Variants in VRK2 observed in about 807,000 individuals in gnomAD.
The protein encoded by VRK2 is serine/threonine-protein kinase VRK2.
VRK2 carries 60 observed loss-of-function variants against 57.6 expected under a neutral mutation model. The observed-to-expected ratio is 1.04, with a 90% CI of 0.85 to 1.29. VRK2 has a LOEUF of 1.29. VRK2 is among the 50% of genes most tolerant of loss of function. The pLI is 0.00. For missense variants in VRK2, 705 were observed against 588.1 expected (o/e 1.20, Z -2.06); for synonymous variants, 231 against 199.2 (o/e 1.16, Z -1.35).
At chr2:58,047,451 T>G in intron 1 of VRK2, 1 of 985,400 alleles carries the variant, frequency 1.0e-6, no homozygotes, top group South Asian at 4.7e-5. Context: ...GCAGATGAAC[T>G]CGGGACTCGC....
At chr2:57,964,014 C>T (rs907154772) in intron 1 of VRK2, among the ~76,000 whole-genome samples, 6 of 152,074 alleles carry the variant, frequency 3.9e-5, no homozygotes, top group African/African-American at 1.4e-4. Flanking sequence ...ATTTTTCTTC[C>T]TAAGCTTACT....
In VRK2 at chr2:58,039,114, C is replaced by T. The variant is rs568293762; in HGVS notation, c.-6+5561C>T. On this transcript the variant is annotated intron_variant, in intron 3 of 15. Coordinates refer to the VRK2 transcript ENST00000417641. ...TGTGAAACAGCAAGTAAGGTATTAT[C>T]TGATTTACGTAAAAATAAAACAATT... Among the ~76,000 whole-genome samples the T allele has an allele frequency of 2.6e-5, 4 of 152,214 alleles. No individual in the cohort carries two copies. The South Asian group carries it at 8.3e-4, about 32-fold the overall frequency.
chr2:57,916,483 C>G (rs1670156596), intron 1 of VRK2, among the ~76,000 whole-genome samples: 1 of 151,268 alleles, frequency 6.6e-6, no homozygotes, highest in African/African-American at 2.4e-5. Context: ...CTGCATTTAA[C>G]TTCAGGTTAG....
At position 57,997,842 on chromosome 2, in the gene VRK2, T is replaced by C. The variant is rs1672972400; in HGVS notation, c.-438-27823T>C. On this transcript the variant is annotated intron_variant, in intron 1 of 15. Coordinates refer to the VRK2 transcript ENST00000417641. ...TGAGTTCCGAAGGCAGAGGTTGCAG[T>C]GAACCAAGACCGCACTACTGCACTC... 2.0e-5 allele frequency among the ~76,000 whole-genome samples: 3 copies of C among 149,296 alleles called. No individual in the cohort carries two copies. In the Admixed American group the frequency reaches 2.0e-4, roughly 10 times the overall value.
chr2:58,026,239 T>G (rs1257856891), intron 2 of VRK2, among the ~76,000 whole-genome samples: 1 of 151,966 alleles, frequency 6.6e-6, no homozygotes, highest in African/African-American at 2.4e-5. Flanking sequence ...TTGGAATGTC[T>G]GTTACCTAAG....
intron 1 of VRK2, among the ~76,000 whole-genome samples, chr2:57,986,236 C>T (rs1457814696): frequency 6.6e-6 from 1 of 151,770 alleles, no homozygotes; most frequent in Non-Finnish European, 1.5e-5. Flanking sequence ...AAAAAGAATA[C>T]CTACATAAGT....
At chr2:57,929,140 G>A (rs972818687) in intron 1 of VRK2, among the ~76,000 whole-genome samples, 5 of 152,206 alleles carry the variant, frequency 3.3e-5, no homozygotes, top group African/African-American at 1.2e-4. Flanking sequence ...CTTGCCTTTA[G>A]GGCAGTGCAT....
At chr2:57,929,345 G>A (rs1359337148) in intron 1 of VRK2, among the ~76,000 whole-genome samples, 1 of 152,150 alleles carries the variant, frequency 6.6e-6, no homozygotes, top group Non-Finnish European at 1.5e-5. Context: ...CACTGCCTTA[G>A]GCCTATGGTG....
At chr2:58,115,035 T>A (rs1301165191) in intron 7 of VRK2, among the ~76,000 whole-genome samples, 4 of 152,018 alleles carry the variant, frequency 2.6e-5, no homozygotes, top group African/African-American at 7.3e-5. Flanking sequence ...GATGGAACAC[T>A]GAGAAGTTAT....
chr2:58,043,968 T>C (rs188679437), upstream of VRK2, among the ~76,000 whole-genome samples: 79 of 152,358 alleles, frequency 5.2e-4, no homozygotes, highest in African/African-American at 1.9e-3. Context: ...TTTTAAATTT[T>C]TTATACTTTA....
rs562857213 is a variant in VRK2, at chr2:58,057,533, G to A, written c.136+8566G>A. 3.3e-3 allele frequency among the ~76,000 whole-genome samples: 501 copies of A among 152,194 alleles called. 7 individuals are homozygous for A. The highest frequency in any genetic ancestry group is 0.011 in the African/African-American group (476 of 41,546). ...TCTAATAAAACAGTTCTTCTGAGTA[G>A]TATTTAATTGAAGTAGACCTAATAG... is the stretch of plus-strand genomic sequence containing the variant. On this transcript the variant is annotated intron_variant, in intron 2 of 12. Transcript: ENST00000340157.
At chr2:57,991,270 T>C (rs1012198951) in intron 1 of VRK2, among the ~76,000 whole-genome samples, 3 of 152,090 alleles carry the variant, frequency 2.0e-5, no homozygotes, top group East Asian at 1.9e-4. Flanking sequence ...TGATTTTATA[T>C]CGTAATGTGG....
rs373936995 is a variant in VRK2, at chr2:57,964,868, A to C, written c.-439+57029A>C. 2.4e-5 allele frequency among the ~76,000 whole-genome samples: 3 copies of C among 125,250 alleles called. No individual in the cohort carries two copies. In the East Asian group the frequency reaches 8.1e-4, roughly 34 times the overall value. The allele number at this position is 125,250 out of a possible 152,430, so 82.2% of individuals were successfully genotyped here. A position where few individuals can be genotyped will look rare whatever the true frequency, so the allele number is the denominator to read the frequency against. On this transcript the variant is annotated intron_variant, in intron 1 of 15. Transcript: ENST00000417641. Reference sequence around the variant, plus strand: ...GCACTCCAGCCTGGGTGACAGAATGAGAATCCATCTCAAAAAAAAAAAAAA... The same window carrying C: ...GCACTCCAGCCTGGGTGACAGAATGCGAATCCATCTCAAAAAAAAAAAAAA...
chr2:57,933,309 CT>C (rs71394403), intron 1 of VRK2, among the ~76,000 whole-genome samples: 33 of 63,298 alleles, frequency 5.2e-4, no homozygotes, highest in Admixed American at 1.6e-3. Flanking sequence ...CTTTCTTTTT[CT>C]TTTTTTTTTT....
intron 1 of VRK2, among the ~76,000 whole-genome samples, chr2:58,000,525 A>T (rs1440449571): frequency 6.6e-6 from 1 of 152,228 alleles, no homozygotes; most frequent in East Asian, 1.9e-4. Context: ...AGAAAAGACC[A>T]TCATATAGAA....
chr2:58,142,929 C>T (rs1681555714), intron 11 of VRK2, among the ~76,000 whole-genome samples: 1 of 151,674 alleles, frequency 6.6e-6, no homozygotes, highest in South Asian at 2.1e-4. Context: ...GCATAATGAG[C>T]CCTCCCATCC....
Position 58,088,529 on chromosome 2 carries a change from T to C in VRK2, c.450+83T>C, listed in dbSNP as rs189801887. The C allele has an allele frequency of 1.7e-5, 19 of 1,090,254 alleles. No individual in the cohort carries two copies. The African/African-American group carries it at 3.0e-4, about 17-fold the overall frequency. 67.5% of individuals were successfully genotyped at this position (1,090,254 alleles called of 1,614,324 possible). A position where few individuals can be genotyped will look rare whatever the true frequency, so the allele number is the denominator to read the frequency against. ...GAAATCTTTTCCCTTTGTGGAATTA[T>C]TAGAGAATGAAGGATTATTGCCCTA... On this transcript the variant is annotated intron_variant, in intron 6 of 12. Coordinates refer to ENST00000340157, the MANE Select transcript of VRK2 (RefSeq NM_006296.7).
In VRK2 at chr2:58,131,802, C is replaced by A; in HGVS notation, c.677-6C>A. The A allele has an allele frequency of 6.2e-7, 1 of 1,607,962 alleles. No homozygotes were observed. The highest frequency in any genetic ancestry group is 8.5e-7 in the Non-Finnish European group (1 of 1,177,634). On this transcript the variant is annotated splice_region_variant and splice_polypyrimidine_tract_variant and intron_variant, in intron 8 of 12. Coordinates refer to ENST00000340157, the MANE Select transcript of VRK2 (RefSeq NM_006296.7). Reference sequence around the variant, plus strand: ...TTATCTTTCTCTCTAATGCTTACTCCTATAGCCTTGTCCAGACGAAGTGAC... The same window carrying A: ...TTATCTTTCTCTCTAATGCTTACTCATATAGCCTTGTCCAGACGAAGTGAC...
chr2:58,080,440 A>G (rs542978636), intron 2 of VRK2, among the ~76,000 whole-genome samples: 1 of 152,074 alleles, frequency 6.6e-6, no homozygotes, highest in South Asian at 2.1e-4. Flanking sequence ...CCTATACATT[A>G]TGGGACTGTA....
Sources: allele counts gnomAD v4.1 joint callset (sites outside exome capture counted in the v4.1 genomes callset), GRCh38; gene constraint gnomAD v4.1.1; transcripts MANE v1.5; gene names NCBI Gene and HGNC (gene_info 2026-07-23, HGNC 2026-07-21).